Variants in CALN1 observed in about 807,000 individuals in gnomAD.
CALN1 encodes calcium-binding protein 8.
In CALN1, 17 loss-of-function variants were observed where a neutral mutation model predicts 30.6. The observed-to-expected ratio is 0.56, with a 90% CI of 0.38 to 0.83. CALN1 has a LOEUF of 0.83. Ranked by LOEUF, CALN1 falls within the 40% of genes least tolerant of loss-of-function variation. The pLI is 0.00. For synonymous variants in CALN1, 156 were observed against 131.4 expected (o/e 1.19, Z -1.28); for missense variants, 291 against 354.9 (o/e 0.82, Z 1.45).
intron 5 of CALN1, among the ~76,000 whole-genome samples, chr7:71,868,700 A>T (rs543359255): frequency 1.3e-5 from 2 of 152,100 alleles, no homozygotes; most frequent in South Asian, 4.2e-4. Flanking sequence ...GGGCTAAAGC[A>T]TTCATGAAGG....
chr7:72,211,630 A>C (rs1414458189), intron 3 of CALN1, among the ~76,000 whole-genome samples: 1 of 152,232 alleles, frequency 6.6e-6, no homozygotes, highest in Admixed American at 6.5e-5. Flanking sequence ...GGCCTGGTAC[A>C]TCACGAATGT....
At chr7:72,397,714 TCACACACACACA>T (rs3138810) in intron 2 of CALN1, among the ~76,000 whole-genome samples, 80 of 142,912 alleles carry the variant, frequency 5.6e-4, no homozygotes, top group African/African-American at 1.6e-3. Context: ...CCATTCTCTC[TCACACACACACA>T]CACACACACA....
At position 71,795,284 on chromosome 7, in the gene CALN1, T is replaced by C. The variant is rs571264018; in HGVS notation, c.659-7382A>G. Among the ~76,000 whole-genome samples the C allele has an allele frequency of 3.1e-4, 47 of 152,258 alleles. 1 individual carries two copies. The highest frequency in any genetic ancestry group is 3.0e-3 in the Admixed American group (46 of 15,298). On this transcript the variant is annotated intron_variant, in intron 6 of 6. Transcript: ENST00000395275. ...ATCCATCCGCCTCGGCCTCCCAAAGTGCTGGGATTATAGACATGAGCCACT... is the reference window on the plus strand; with the variant it reads ...ATCCATCCGCCTCGGCCTCCCAAAGCGCTGGGATTATAGACATGAGCCACT...
At chr7:72,283,923 C>T (rs1052555452) in intron 2 of CALN1, among the ~76,000 whole-genome samples, 5 of 152,154 alleles carry the variant, frequency 3.3e-5, no homozygotes, top group African/African-American at 1.2e-4. Context: ...AAGAAAAGAT[C>T]TTGTGAGGTT....
intron 3 of CALN1, among the ~76,000 whole-genome samples, chr7:72,195,204 C>T (rs999356866): frequency 1.3e-5 from 2 of 152,192 alleles, no homozygotes; most frequent in African/African-American, 4.8e-5. Context: ...CAGACACACT[C>T]ATCTTTTGAG....
intron 2 of CALN1, among the ~76,000 whole-genome samples, chr7:72,370,065 T>TA (rs1420416155): frequency 6.6e-6 from 1 of 152,234 alleles, no homozygotes; most frequent in African/African-American, 2.4e-5. Flanking sequence ...AAAATAGTTG[T>TA]ACCATTTTAC....
chr7:72,332,866 C>G (rs1801766630), intron 2 of CALN1, among the ~76,000 whole-genome samples: 2 of 152,148 alleles, frequency 1.3e-5, no homozygotes, highest in South Asian at 4.1e-4. Flanking sequence ...CTTTCAGAGC[C>G]AGCTTCCTCC....
At chr7:71,988,582 T>C (rs1343763598) in intron 5 of CALN1, among the ~76,000 whole-genome samples, 1 of 152,152 alleles carries the variant, frequency 6.6e-6, no homozygotes, top group African/African-American at 2.4e-5. Flanking sequence ...TATCTCCAGG[T>C]CACAGTTGGC....
chr7:71,988,708 G>A (rs1297280006), intron 5 of CALN1, among the ~76,000 whole-genome samples: 2 of 152,184 alleles, frequency 1.3e-5, no homozygotes, highest in Admixed American at 1.3e-4. Context: ...TCCAGGCACA[G>A]ACGCTGACCC....
At chr7:71,893,500 G>A (rs978489113) in intron 5 of CALN1, among the ~76,000 whole-genome samples, 1 of 152,074 alleles carries the variant, frequency 6.6e-6, no homozygotes, top group Non-Finnish European at 1.5e-5. Flanking sequence ...AGACCAGCCT[G>A]GCCAACATGG....
chr7:71,856,182 G>A (rs1030902270), intron 5 of CALN1, among the ~76,000 whole-genome samples: 24 of 151,418 alleles, frequency 1.6e-4, no homozygotes, highest in Non-Finnish European at 2.9e-5. Flanking sequence ...CTTGCCTGGG[G>A]TGATACATAT....
At chr7:71,803,589 C>T (rs1787429932) in intron 6 of CALN1, among the ~76,000 whole-genome samples, 1 of 152,168 alleles carries the variant, frequency 6.6e-6, no homozygotes, top group Admixed American at 6.5e-5. Flanking sequence ...ATTCTCCTGC[C>T]TCAGCCTCCT....
intron 5 of CALN1, among the ~76,000 whole-genome samples, chr7:71,923,482 C>A (rs978236864): frequency 6.6e-6 from 1 of 152,174 alleles, no homozygotes; most frequent in African/African-American, 2.4e-5. Context: ...AATAGTATGT[C>A]ATTCAAGCAA....
At chr7:71,831,202 C>A (rs1268001219) in intron 5 of CALN1, among the ~76,000 whole-genome samples, 1 of 152,034 alleles carries the variant, frequency 6.6e-6, no homozygotes, top group East Asian at 1.9e-4. Flanking sequence ...AGAATAGGGC[C>A]AGGCGCGGTG....
At chr7:72,022,717 C>T (rs1251869136) in intron 5 of CALN1, among the ~76,000 whole-genome samples, 2 of 152,110 alleles carry the variant, frequency 1.3e-5, no homozygotes, top group East Asian at 3.9e-4. Context: ...TGTGAAATAG[C>T]TAGGTCTGAG....
intron 6 of CALN1, among the ~76,000 whole-genome samples, chr7:71,800,006 T>C (rs1183352540): frequency 1.3e-5 from 2 of 152,178 alleles, no homozygotes; most frequent in Non-Finnish European, 2.9e-5. Flanking sequence ...ACAGATGGTG[T>C]TGATGACATA....
intron 5 of CALN1, among the ~76,000 whole-genome samples, chr7:71,847,898 C>T (rs1790412878): frequency 6.6e-6 from 1 of 151,994 alleles, no homozygotes; most frequent in African/African-American, 2.4e-5. Context: ...CTCATTCTGT[C>T]TTGCCACCAC....
chr7:72,107,442 T>C (rs1807254267), intron 3 of CALN1, among the ~76,000 whole-genome samples: 1 of 152,244 alleles, frequency 6.6e-6, no homozygotes, highest in South Asian at 2.1e-4. Context: ...ACTTTGCCCC[T>C]GGGCTAGCAG....
intron 3 of CALN1, among the ~76,000 whole-genome samples, chr7:72,132,813 T>TC (rs779874897): frequency 5.9e-5 from 9 of 151,628 alleles, no homozygotes; most frequent in Non-Finnish European, 1.3e-4. Context: ...AAAGTAGGGG[T>TC]CCCCAACCCC....
Sources: allele counts gnomAD v4.1 joint callset (sites outside exome capture counted in the v4.1 genomes callset), GRCh38; gene constraint gnomAD v4.1.1; transcripts MANE v1.5; gene names NCBI Gene and HGNC (gene_info 2026-07-23, HGNC 2026-07-21).